The following CD22 variants were observed in gnomAD, a reference collection of about 807,000 sequenced individuals.
CD22 encodes CD22 molecule, also known as B-cell receptor CD22.
In CD22, 51 loss-of-function variants were observed where a neutral mutation model predicts 94.7. The ratio of observed to expected loss-of-function variants is 0.54; its 90% CI spans 0.43 to 0.68. The LOEUF (loss-of-function observed/expected upper bound fraction) is 0.68, where lower values mean the gene tolerates loss of function less well. Ranked by LOEUF, CD22 falls within the 30% of genes least tolerant of loss-of-function variation. The pLI is 0.00. For missense variants in CD22, 931 were observed against 1,060.4 expected (o/e 0.88, Z 1.69); for synonymous variants, 424 against 422.5 (o/e 1.00, Z -0.04).
At position 35,344,846 on chromosome 19, in the gene CD22, G is replaced by A. The variant is rs1191941595; in HGVS notation, c.2053G>A (p.Gly685Ser). Residue 685 changes from glycine (G) to serine (S), a missense_variant, in exon 10 of 14, where the codon GGC becomes AGC. Gly to Ser is a moderately conservative substitution (Grantham distance 56). Transcript: ENST00000085219. ...LTVYYSPETI[G>S]RRVAVGLGSC... ...CCACCCAGATAGCCCGGAGACCATCGGCAGGCGAGTGGCTGTGGGACTCGG... is the reference window on the plus strand; with the variant it reads ...CCACCCAGATAGCCCGGAGACCATCAGCAGGCGAGTGGCTGTGGGACTCGG... The A allele has an allele frequency of 1.8e-5, 29 of 1,612,640 alleles. No homozygotes were observed. The highest frequency in any genetic ancestry group is 2.2e-5 in the East Asian group (1 of 44,824).
At chr19:35,332,420 T>G in intron 2 of CD22, 127 bp from the exon 3 acceptor site, 1 of 1,043,120 alleles carries the variant, frequency 9.6e-7, no homozygotes, top group Non-Finnish European at 1.3e-6. Flanking sequence ...AAGGCCAGCT[T>G]GGACAACATA....
Position 35,342,057 on chromosome 19 carries a change from T to TTCCTTCCTTCCTTC in CD22, c.2035+92_2035+93insTCCTTCCTTCCTTC, listed in dbSNP as rs1568490226. ...TCCTTCCTTCCTTCCTTCCTTCCTTTCTTTCTCTCTTTCTTTTCCTCCTCC... is the reference window on the plus strand; with the variant it reads ...TCCTTCCTTCCTTCCTTCCTTCCTTTTCCTTCCTTCCTTCCTTTCTCTCTTTCTTTTCCTCCTCC... On this transcript the variant is annotated intron_variant, in intron 9 of 13. Coordinates refer to ENST00000085219, the MANE Select transcript of CD22 (RefSeq NM_001771.4). The TTCCTTCCTTCCTTC allele has an allele frequency of 4.5e-4, 341 of 752,824 alleles. 1 individual carries two copies. The highest frequency in any genetic ancestry group is 5.6e-4 in the Non-Finnish European group (289 of 517,224). 46.6% of individuals were successfully genotyped at this position (752,824 alleles called of 1,614,324 possible). A position where few individuals can be genotyped will look rare whatever the true frequency, so the allele number is the denominator to read the frequency against.
chr19:35,344,954 C>T, intron 10 of CD22, 29 bp downstream of exon 10: 1 of 1,605,714 alleles, frequency 6.2e-7, no homozygotes, highest in Non-Finnish European at 8.5e-7. Flanking sequence ...CCACCACCTC[C>T]TCTATCCCTT....
chr19:35,333,074 A>T, intron 3 of CD22, 150 bp downstream of exon 3: 1 of 748,830 alleles, frequency 1.3e-6, no homozygotes, highest in Non-Finnish European at 2.1e-6. Flanking sequence ...ATGCAGCAGC[A>T]CTAGACAGAG....
intron 6 of CD22, among the ~76,000 whole-genome samples, 180 bp downstream of exon 6, chr19:35,338,611 G>A (rs890303648): frequency 2.6e-5 from 4 of 151,830 alleles, no homozygotes; most frequent in South Asian, 4.2e-4. Flanking sequence ...GAGGGTGCTT[G>A]GTAGATGCTT....
chr19:35,345,236 G>T (rs1474141230), intron 11 of CD22, 110 bp downstream of exon 11: 5 of 880,196 alleles, frequency 5.7e-6, no homozygotes, highest in Non-Finnish European at 9.4e-6. Flanking sequence ...TAGCCAACAT[G>T]GTGAAACCCT....
intron 11 of CD22, 86 bp from the exon 12 acceptor site, chr19:35,345,516 G>A (rs765746282): frequency 1.3e-4 from 103 of 795,192 alleles, no homozygotes; most frequent in Non-Finnish European, 2.0e-4. Context: ...AATGTCCTCT[G>A]AGGAGACCTG....
intron 10 of CD22, 22 bp from the exon 11 acceptor site, chr19:35,345,029 C>A (rs778089037): frequency 2.1e-5 from 34 of 1,611,962 alleles, no homozygotes; most frequent in Non-Finnish European, 5.9e-6. Context: ...CTGACCCTCA[C>A]ACATGTGCCT....
chr19:35,346,874 T>C lies in CD22; in HGVS notation c.*177T>C. ...AACCTTGTGCCTGGCTCAGAGCCAGTCTTTTTGGTGAGGGTAACCCCAAAC... is the reference window on the plus strand; with the variant it reads ...AACCTTGTGCCTGGCTCAGAGCCAGCCTTTTTGGTGAGGGTAACCCCAAAC... On this transcript the variant is annotated 3_prime_UTR_variant, in exon 14 of 14. Coordinates refer to ENST00000085219, the MANE Select transcript of CD22 (RefSeq NM_001771.4). 1 of 660,778 alleles carries C rather than the reference T, an allele frequency of 1.5e-6. No individual in the cohort carries two copies. The highest frequency in any genetic ancestry group is 2.5e-6 in the Non-Finnish European group (1 of 406,334). 40.9% of individuals were successfully genotyped at this position (660,778 alleles called of 1,614,324 possible).
intron 3 of CD22, among the ~76,000 whole-genome samples, chr19:35,334,703 A>G (rs934097521): frequency 3.9e-5 from 6 of 152,270 alleles, no homozygotes; most frequent in East Asian, 1.9e-4. Context: ...GATGGCTGCA[A>G]TACTGAAGGA....
intron 4 of CD22, chr19:35,336,551 C>A: frequency 3.6e-6 from 2 of 561,624 alleles, no homozygotes; most frequent in Admixed American, 6.5e-5. Context: ...CAAGCCATGA[C>A]ATGAATTGGG....
intron 6 of CD22, 66 bp downstream of exon 6, chr19:35,338,497 T>C: frequency 3.9e-6 from 6 of 1,538,296 alleles, no homozygotes; most frequent in South Asian, 2.4e-5. Flanking sequence ...GGAAGGCAGA[T>C]GGGGTGCAGG....
chr19:35,346,679 T>G lies in CD22; in HGVS notation c.2526T>G (p.Tyr842Ter), dbSNP rs772271133. The change falls in exon 14 of 14, where the codon TAT becomes TAG. Residue 842 changes from tyrosine to a stop codon, truncating the protein, a stop_gained. Coordinates refer to ENST00000085219, the MANE Select transcript of CD22 (RefSeq NM_001771.4). LOFTEE classifies it high-confidence loss of function. Reference sequence around the variant, plus strand: ...CTCAGGCACAAGAAAATGTGGACTATGTGATCCTCAAACATTGACACTGGA... The same window carrying G: ...CTCAGGCACAAGAAAATGTGGACTAGGTGATCCTCAAACATTGACACTGGA... Reference protein sequence around the residue: ...ERPQAQENVDYVILKH With the variant: ...ERPQAQENVD The G allele has an allele frequency of 1.7e-5, 27 of 1,610,030 alleles. No individual in the cohort carries two copies. Among genetic ancestry groups the G allele is most frequent in the Non-Finnish European group, 2.3e-5 (27 of 1,178,058 alleles).
Position 35,341,241 on chromosome 19 carries a change from T to C in CD22, c.1508-102T>C. On this transcript the variant is annotated intron_variant, in intron 7 of 13. Transcript: ENST00000085219. The surrounding 1 kb of genome is among the most constrained non-coding windows in gnomAD (Gnocchi z 4.0). ...CCTGGGCCAGTGTCTTCAACAGAAT[T>C]GAGGGACAGGAGCCTGGCGTCAGGG... The C allele has an allele frequency of 1.3e-6, 2 of 1,596,748 alleles. No individual in the cohort carries two copies. Among genetic ancestry groups the C allele is most frequent in the Non-Finnish European group, 1.7e-6 (2 of 1,169,304 alleles).
At chr19:35,335,969 C>A in intron 3 of CD22, 67 bp from the exon 4 acceptor site, 1 of 1,398,574 alleles carries the variant, frequency 7.2e-7, no homozygotes, top group South Asian at 1.3e-5. Flanking sequence ...GACAGGACAT[C>A]TAAAGCCAGG....
chr19:35,338,549 G>C, intron 6 of CD22, 118 bp downstream of exon 6: 1 of 1,069,038 alleles, frequency 9.4e-7, no homozygotes, highest in East Asian at 2.5e-5. Flanking sequence ...AGCAGCCAGG[G>C]TCTCCTGTTC....
intron 6 of CD22, 147 bp downstream of exon 6, chr19:35,338,578 C>G: frequency 5.2e-6 from 4 of 771,070 alleles, no homozygotes; most frequent in Non-Finnish European, 8.2e-6. Flanking sequence ...TGTCTCAGCT[C>G]CTAGCATAGG....
chr19:35,346,876 T>C lies in CD22; in HGVS notation c.*179T>C. ...CCTTGTGCCTGGCTCAGAGCCAGTC[T>C]TTTTGGTGAGGGTAACCCCAAACCT... On this transcript the variant is annotated 3_prime_UTR_variant, in exon 14 of 14. Transcript: ENST00000085219. 1 of 649,798 alleles carries C rather than the reference T, an allele frequency of 1.5e-6. No individual in the cohort carries two copies. Among genetic ancestry groups the C allele is most frequent in the Admixed American group, 3.4e-5 (1 of 29,274 alleles). The allele number at this position is 649,798 out of a possible 1,614,324, so 40.3% of individuals were successfully genotyped here.
chr19:35,346,204 T>A lies in CD22; in HGVS notation c.2381T>A (p.Val794Asp). 6.2e-7 allele frequency: 1 copy of A among 1,614,072 alleles called. No homozygotes were observed. Among genetic ancestry groups the A allele is most frequent in the Non-Finnish European group, 8.5e-7 (1 of 1,179,958 alleles). Residue 794 changes from valine (V) to aspartate (D), a missense_variant, in exon 13 of 14, where the codon GTC (valine) becomes GAC (aspartate). Val to Asp is a radical substitution (Grantham distance 152). Transcript: ENST00000085219. ...QRPPPDCDDT[V>D]TYSALHKRQV... is the part of the protein sequence containing the mutation. ...CCTCCCCCGGACTGCGATGACACGG[T>A]CACTTATTCAGCATTGCACAAGCGC...
Sources: gnomAD v4.1 joint callset for allele counts (sites outside exome capture counted in the v4.1 genomes callset) on GRCh38, gnomAD v4.1.1 for gene constraint, Gnocchi (gnomAD v3.1) non-coding constraint, MANE v1.5 for transcripts, NCBI Gene and HGNC (gene_info 2026-07-23, HGNC 2026-07-21) for gene names.